Variants in CIMAP1D observed in about 807,000 individuals in gnomAD.
CIMAP1D encodes protein CIMAP1D.
chr19:478,569 T>C, the CIMAP1D span, among the ~76,000 whole-genome samples: 2 of 152,268 alleles, frequency 1.3e-5, no homozygotes, highest in Non-Finnish European at 2.9e-5. Context: ...CTATCAACTC[T>C]GTCTTCAGCT....
chr19:463,881 C>A, the CIMAP1D span: 1 of 1,610,812 alleles, frequency 6.2e-7, no homozygotes, highest in South Asian at 1.1e-5. Context: ...CCCCGCAGGC[C>A]GGGAGGGCGT....
chr19:491,430 G>T, the CIMAP1D span, among the ~76,000 whole-genome samples: 1 of 152,196 alleles, frequency 6.6e-6, no homozygotes, highest in Non-Finnish European at 1.5e-5. Flanking sequence ...TGCCCTTCTA[G>T]CCACCTAGAC....
At chr19:471,706 A>C in the CIMAP1D span, among the ~76,000 whole-genome samples, 1 of 149,904 alleles carries the variant, frequency 6.7e-6, no homozygotes, top group South Asian at 2.1e-4. Context: ...TATTATTTTT[A>C]ATATAATGTT....
the CIMAP1D span, among the ~76,000 whole-genome samples, chr19:484,590 G>A: frequency 5.3e-5 from 8 of 152,222 alleles, no homozygotes; most frequent in Non-Finnish European, 8.8e-5. Context: ...GTTAGCAAAG[G>A]CCTGGAGGAA....
the CIMAP1D span, among the ~76,000 whole-genome samples, chr19:485,934 G>GC: frequency 0.033 from 4,986 of 152,282 alleles, 133 homozygotes; most frequent in East Asian, 0.11. Flanking sequence ...CCGGCGGCCA[G>GC]CCCCCTGACT....
the CIMAP1D span, chr19:464,314 G>C: frequency 2.6e-6 from 4 of 1,541,124 alleles, no homozygotes; most frequent in Non-Finnish European, 3.5e-6. Flanking sequence ...TGGCGCACAG[G>C]GGGCACCTTC....
the CIMAP1D span, chr19:463,444 G>C: frequency 7.4e-6 from 2 of 272,044 alleles, no homozygotes; most frequent in African/African-American, 4.5e-5. Flanking sequence ...CCTCCAGCCT[G>C]AGTTTGGGCT....
chr19:487,220 G>T, the CIMAP1D span, among the ~76,000 whole-genome samples: 3 of 152,056 alleles, frequency 2.0e-5, no homozygotes, highest in Non-Finnish European at 4.4e-5. Flanking sequence ...GCGGCGATCT[G>T]TGAGCTGGTT....
chr19:481,267 A>T, the CIMAP1D span, among the ~76,000 whole-genome samples: 12 of 140,184 alleles, frequency 8.6e-5, no homozygotes, highest in Admixed American at 8.5e-4. Context: ...ATGGGAAAAG[A>T]TGATGGGAAA....
the CIMAP1D span, among the ~76,000 whole-genome samples, chr19:485,701 C>T: frequency 6.6e-6 from 1 of 152,220 alleles, no homozygotes; most frequent in South Asian, 2.1e-4. Flanking sequence ...AACACATCCT[C>T]CGGCTGCAGA....
At chr19:486,696 C>CCT in the CIMAP1D span, among the ~76,000 whole-genome samples, 8 of 151,896 alleles carry the variant, frequency 5.3e-5, no homozygotes, top group Admixed American at 3.9e-4. Context: ...GAGCAGATCA[C>CCT]GAGATCAGGA....
the CIMAP1D span, chr19:463,640 T>TCACCCTG: frequency 1.4e-6 from 1 of 723,340 alleles, no homozygotes; most frequent in African/African-American, 1.9e-5. Flanking sequence ...GGAAGGAGAC[T>TCACCCTG]CACCCTGCAC....
At chr19:484,950 C>T in the CIMAP1D span, among the ~76,000 whole-genome samples, 60 of 152,156 alleles carry the variant, frequency 3.9e-4, no homozygotes, top group East Asian at 7.8e-3. Flanking sequence ...CCGGGGGAGG[C>T]GAGCACACCA....
At chr19:490,607 C>G in the CIMAP1D span, among the ~76,000 whole-genome samples, 1 of 152,210 alleles carries the variant, frequency 6.6e-6, no homozygotes, top group Non-Finnish European at 1.5e-5. Context: ...GCTTCACAAA[C>G]CCTAGCTGTT....
chr19:489,061 G>GC, the CIMAP1D span: 8 of 152,216 alleles, frequency 5.3e-5, no homozygotes, highest in Admixed American at 5.2e-4. Flanking sequence ...ACGCCCCGGC[G>GC]CCCCGCGCTC....
chr19:481,254 A>C, the CIMAP1D span, among the ~76,000 whole-genome samples: 2 of 125,486 alleles, frequency 1.6e-5, no homozygotes, highest in African/African-American at 6.9e-5. Flanking sequence ...GATGGGAAGG[A>C]TGATGGGAAA....
At chr19:464,622 G>A in the CIMAP1D span, among the ~76,000 whole-genome samples, 1 of 152,070 alleles carries the variant, frequency 6.6e-6, no homozygotes, top group African/African-American at 2.4e-5. Context: ...CCCATCCAGG[G>A]TAGAGCCCTC....
the CIMAP1D span, among the ~76,000 whole-genome samples, chr19:468,499 C>G: frequency 6.6e-6 from 1 of 152,178 alleles, no homozygotes; most frequent in Non-Finnish European, 1.5e-5. Flanking sequence ...AGCAGGGCCT[C>G]TTGTGAGCTG....
chr19:479,591 G>A, the CIMAP1D span, among the ~76,000 whole-genome samples: 3 of 150,864 alleles, frequency 2.0e-5, no homozygotes, highest in Non-Finnish European at 2.9e-5. Flanking sequence ...TTTTAGTAGA[G>A]ACGGGGTTTC....
Sources: gnomAD v4.1 joint callset for allele counts (sites outside exome capture counted in the v4.1 genomes callset) on GRCh38, gnomAD v4.1.1 for gene constraint, MANE v1.5 for transcripts, NCBI Gene and HGNC (gene_info 2026-07-23, HGNC 2026-07-21) for gene names.